Variants in HTR2C observed in about 807,000 individuals in gnomAD.
HTR2C encodes 5-hydroxytryptamine receptor 2C.
Under a neutral mutation model 21.0 loss-of-function variants are expected in HTR2C, and 5 were observed. The observed-to-expected ratio is 0.24, with a 90% CI of 0.12 to 0.50. HTR2C has a LOEUF of 0.50. Ranked by LOEUF, HTR2C falls within the 20% of genes least tolerant of loss-of-function variation. The pLI is 0.98. For missense variants in HTR2C, 271 were observed against 371.2 expected, an observed-to-expected ratio of 0.73 and a Z score of 2.22; for synonymous variants, 150 against 145.3, an observed-to-expected ratio of 1.03 and a Z score of -0.23.
rs149702634 is a variant in HTR2C, at chrX:114,632,015, A to G, written c.-80+18134A>G. Among the ~76,000 whole-genome samples the G allele has an allele frequency of 6.3e-4, 71 of 112,361 alleles. No homozygotes were observed. The East Asian group carries it at 0.015, about 24-fold the overall frequency. ...TATCCCAGTGCCTTTCATAAAGTAG[A>G]AGCTAAATAAATAACTATTGCTGGA... is the stretch of plus-strand genomic sequence containing the variant. On this transcript the variant is annotated intron_variant, in intron 2 of 5. Coordinates refer to ENST00000276198, the MANE Select transcript of HTR2C (RefSeq NM_000868.4).
At position 114,668,188 on chromosome X, in the gene HTR2C, G is replaced by A. The variant is rs898341609; in HGVS notation, c.-80+54307G>A. 4.5e-5 allele frequency among the ~76,000 whole-genome samples: 5 copies of A among 111,522 alleles called. No homozygotes were observed. The Admixed American group carries it at 4.8e-4, about 11-fold the overall frequency. On this transcript the variant is annotated intron_variant, in intron 2 of 5. Coordinates refer to ENST00000276198, the MANE Select transcript of HTR2C (RefSeq NM_000868.4). Reference sequence around the variant, plus strand: ...AAGTCCTGCCACTTTTTCTTTCTTAGCACGTCTTCCTTTGTAGACTATATT... The same window carrying A: ...AAGTCCTGCCACTTTTTCTTTCTTAACACGTCTTCCTTTGTAGACTATATT...
intron 4 of HTR2C, among the ~76,000 whole-genome samples, chrX:114,783,412 C>G (rs1345474834): frequency 9.0e-6 from 1 of 111,629 alleles, no homozygotes; most frequent in Non-Finnish European, 1.9e-5. Flanking sequence ...ATACAAAGTT[C>G]TATTCATCAG....
chrX:114,736,076 G>A (rs2069587599), intron 4 of HTR2C, among the ~76,000 whole-genome samples: 1 of 109,459 alleles, frequency 9.1e-6, no homozygotes, highest in Admixed American at 9.8e-5. Context: ...TCGCGCCACT[G>A]CACTCCAGCC....
intron 4 of HTR2C, among the ~76,000 whole-genome samples, chrX:114,744,656 G>A: frequency 9.1e-6 from 1 of 110,152 alleles, no homozygotes; most frequent in Non-Finnish European, 1.9e-5. Flanking sequence ...GTTTCACCGT[G>A]TTAGCCAGGA....
intron 4 of HTR2C, among the ~76,000 whole-genome samples, chrX:114,802,152 C>G (rs1355531734): frequency 2.7e-5 from 3 of 110,445 alleles, no homozygotes; most frequent in Non-Finnish European, 5.7e-5. Context: ...ATTGAGGCAC[C>G]GTAATTTTGG....
At chrX:114,810,846 C>T (rs2070524246) in intron 4 of HTR2C, among the ~76,000 whole-genome samples, 1 of 109,718 alleles carries the variant, frequency 9.1e-6, no homozygotes, top group African/African-American at 3.3e-5. Context: ...AGCCATCTTG[C>T]TCCACCTCCC....
intron 2 of HTR2C, among the ~76,000 whole-genome samples, chrX:114,657,503 C>T (rs183038009): frequency 5.4e-5 from 6 of 110,433 alleles, no homozygotes; most frequent in Middle Eastern, 4.7e-3. Flanking sequence ...TTATCACCTG[C>T]GTGTAATATG....
chrX:114,831,560 G>A (rs1424741789), intron 4 of HTR2C, among the ~76,000 whole-genome samples: 1 of 89,746 alleles, frequency 1.1e-5, no homozygotes, highest in Non-Finnish European at 2.2e-5. Flanking sequence ...TTTTTTTCTT[G>A]TAAATTTGTT....
At chrX:114,657,191 T>C (rs191916756) in intron 2 of HTR2C, among the ~76,000 whole-genome samples, 65 of 111,035 alleles carry the variant, frequency 5.9e-4, no homozygotes, top group African/African-American at 2.0e-3. Context: ...TATAAATATT[T>C]TCATACATTT....
intron 4 of HTR2C, among the ~76,000 whole-genome samples, chrX:114,805,832 T>TGCCATGTATATAC: frequency 1.2e-5 from 1 of 86,313 alleles, no homozygotes; most frequent in Non-Finnish European, 2.2e-5. Flanking sequence ...ACCATATATA[T>TGCCATGTATATAC]ACCATATATA....
intron 4 of HTR2C, among the ~76,000 whole-genome samples, chrX:114,833,498 G>C (rs1259283136): frequency 1.3e-4 from 15 of 111,447 alleles, no homozygotes; most frequent in African/African-American, 4.9e-4. Flanking sequence ...AGAGGTGTTT[G>C]TAGTATTCTC....
At chrX:114,733,451 C>G (rs2069557019) in intron 4 of HTR2C, among the ~76,000 whole-genome samples, 1 of 108,792 alleles carries the variant, frequency 9.2e-6, no homozygotes, top group Non-Finnish European at 1.9e-5. Flanking sequence ...TAAGTCTACC[C>G]CAAGTACGAA....
At chrX:114,800,572 G>C (rs1235212878) in intron 4 of HTR2C, among the ~76,000 whole-genome samples, 3 of 111,019 alleles carry the variant, frequency 2.7e-5, no homozygotes, top group Non-Finnish European at 3.8e-5. Context: ...CACTTCTTTG[G>C]CTAGCCATAT....
intron 4 of HTR2C, among the ~76,000 whole-genome samples, chrX:114,738,794 T>C (rs1402799624): frequency 9.5e-6 from 1 of 105,587 alleles, no homozygotes; most frequent in African/African-American, 3.5e-5. Flanking sequence ...ATCCCAGAAC[T>C]TAAAGTAGAA....
intron 4 of HTR2C, among the ~76,000 whole-genome samples, chrX:114,788,016 C>T (rs1469044815): frequency 9.3e-6 from 1 of 107,385 alleles, no homozygotes; most frequent in Non-Finnish European, 1.9e-5. Context: ...TTTTTTGATA[C>T]ATTTTGAGTT....
At chrX:114,768,301 CA>C (rs2069965758) in intron 4 of HTR2C, among the ~76,000 whole-genome samples, 1 of 110,761 alleles carries the variant, frequency 9.0e-6, no homozygotes, top group Admixed American at 9.7e-5. Flanking sequence ...GCATCTGCTT[CA>C]CAGGTATTTG....
chrX:114,785,658 T>C (rs1277105290), intron 4 of HTR2C, among the ~76,000 whole-genome samples: 2 of 111,742 alleles, frequency 1.8e-5, no homozygotes, highest in African/African-American at 3.2e-5. Flanking sequence ...GACCTAAATA[T>C]AAAGTACAAA....
At chrX:114,641,048 CTTTCT>C (rs1242384739) in intron 2 of HTR2C, among the ~76,000 whole-genome samples, 1 of 82,944 alleles carries the variant, frequency 1.2e-5, no homozygotes, top group African/African-American at 4.8e-5. Context: ...TTCTTTCTTT[CTTTCT>C]TTTTTTCTTT....
chrX:114,860,989 G>A (rs782129995), intron 5 of HTR2C, among the ~76,000 whole-genome samples: 1 of 111,505 alleles, frequency 9.0e-6, no homozygotes, highest in African/African-American at 3.2e-5. Flanking sequence ...GGTTACTATA[G>A]TGAAGCAAAT....
Sources: gnomAD v4.1 joint callset for allele counts (sites outside exome capture counted in the v4.1 genomes callset) on GRCh38, gnomAD v4.1.1 for gene constraint, MANE v1.5 for transcripts, NCBI Gene and HGNC (gene_info 2026-07-23, HGNC 2026-07-21) for gene names.